The following THUMPD2 variants were observed in gnomAD, a reference collection of about 807,000 sequenced individuals.
THUMPD2 encodes U6 snRNA (guanine-N(2))-methyltransferase THUMPD2.
In THUMPD2, 56 loss-of-function variants were observed where a neutral mutation model predicts 49.4. The observed-to-expected ratio is 1.13, with a 90% CI of 0.91 to 1.41. THUMPD2 has a LOEUF of 1.41. Ranked by LOEUF, THUMPD2 falls within the 40% of genes most tolerant of loss-of-function variation. THUMPD2 has a pLI of 0.00. For missense variants in THUMPD2, 709 were observed against 594.5 expected (o/e 1.19, Z -2.00); for synonymous variants, 237 against 205.2 (o/e 1.15, Z -1.32).
At chr2:39,755,772 T>C in intron 7 of THUMPD2, 117 bp downstream of exon 7, 1 of 763,270 alleles carries the variant, frequency 1.3e-6, no homozygotes, top group Non-Finnish European at 2.1e-6. Flanking sequence ...AAATAATAAC[T>C]CATATAATTA....
chr2:39,750,347 C>G (rs1052413344), intron 8 of THUMPD2, among the ~76,000 whole-genome samples: 3 of 152,200 alleles, frequency 2.0e-5, no homozygotes, highest in Non-Finnish European at 4.4e-5. Context: ...CTCTAATGAT[C>G]AGTGATGTTG....
intron 8 of THUMPD2, among the ~76,000 whole-genome samples, chr2:39,745,907 A>G (rs1216912556): frequency 1.3e-5 from 2 of 152,240 alleles, no homozygotes; most frequent in East Asian, 1.9e-4. Context: ...GGTTGAGAGC[A>G]TAAGCTCTGG....
intron 1 of THUMPD2, among the ~76,000 whole-genome samples, chr2:39,777,166 G>T (rs1372275228): frequency 6.6e-6 from 1 of 152,202 alleles, no homozygotes; most frequent in Non-Finnish European, 1.5e-5. Context: ...CATGCTACCT[G>T]TGCTATCTTT....
At chr2:39,768,105 A>G (rs11124693) in intron 4 of THUMPD2, among the ~76,000 whole-genome samples, 59,988 of 152,080 alleles carry the variant, frequency 0.39, 13,247 homozygotes, top group Non-Finnish European at 0.51. Flanking sequence ...AATTTTTAAA[A>G]TCACAGATTG....
intron 6 of THUMPD2, among the ~76,000 whole-genome samples, chr2:39,758,621 C>T (rs1482247738): frequency 6.6e-6 from 1 of 152,172 alleles, no homozygotes; most frequent in Non-Finnish European, 1.5e-5. Context: ...GGTATCTCAG[C>T]AGGACTGACA....
chr2:39,764,019 G>T (rs1204356017), intron 5 of THUMPD2, among the ~76,000 whole-genome samples: 1 of 152,152 alleles, frequency 6.6e-6, no homozygotes, highest in East Asian at 1.9e-4. Context: ...CCTTTGCACA[G>T]AGATTCCTTG....
intron 5 of THUMPD2, among the ~76,000 whole-genome samples, chr2:39,762,626 G>C (rs1240187156): frequency 3.3e-5 from 5 of 151,676 alleles, no homozygotes; most frequent in East Asian, 1.9e-4. Flanking sequence ...CTGGCAGGTA[G>C]AAACACTATA....
chr2:39,760,159 A>G (rs1214444922), intron 6 of THUMPD2, among the ~76,000 whole-genome samples: 1 of 152,160 alleles, frequency 6.6e-6, no homozygotes, highest in Non-Finnish European at 1.5e-5. Flanking sequence ...TAGCTTCTCC[A>G]GTAGTTGGGG....
At chr2:39,765,668 G>A (rs1330611552) in intron 5 of THUMPD2, among the ~76,000 whole-genome samples, 1 of 151,422 alleles carries the variant, frequency 6.6e-6, no homozygotes, top group Non-Finnish European at 1.5e-5. Context: ...CACCCTTTCT[G>A]TCTTTAAAAT....
intron 1 of THUMPD2, among the ~76,000 whole-genome samples, chr2:39,774,402 T>C (rs1267658630): frequency 1.3e-5 from 2 of 152,248 alleles, no homozygotes; most frequent in African/African-American, 4.8e-5. Context: ...AAATATGCTA[T>C]AGGAACTCTT....
intron 1 of THUMPD2, 23 bp downstream of exon 1, chr2:39,779,091 G>C (rs1265532352): frequency 2.0e-6 from 3 of 1,496,708 alleles, no homozygotes; most frequent in Non-Finnish European, 2.7e-6. Flanking sequence ...CACCTCCCCA[G>C]GCGCGCAGCG....
intron 8 of THUMPD2, among the ~76,000 whole-genome samples, chr2:39,746,009 A>C (rs1163102768): frequency 6.6e-6 from 1 of 152,206 alleles, no homozygotes; most frequent in Non-Finnish European, 1.5e-5. Context: ...AAATGGAATA[A>C]GATTATGTAC....
chr2:39,757,015 T>C (rs189454859), intron 6 of THUMPD2, among the ~76,000 whole-genome samples: 8 of 150,390 alleles, frequency 5.3e-5, no homozygotes, highest in Admixed American at 2.7e-4. Flanking sequence ...AGGTCTAGGA[T>C]GTGACTACAG....
In THUMPD2 at chr2:39,736,618, T is replaced by G; in HGVS notation, c.*117A>C. 1 of 851,960 alleles carries G rather than the reference T, an allele frequency of 1.2e-6. No individual in the cohort carries two copies. The highest frequency in any genetic ancestry group is 1.8e-6 in the Non-Finnish European group (1 of 563,556). 52.8% of individuals were successfully genotyped at this position (851,960 alleles called of 1,614,324 possible). On this transcript the variant is annotated 3_prime_UTR_variant, in exon 10 of 10. Coordinates refer to ENST00000505747, the MANE Select transcript of THUMPD2 (RefSeq NM_025264.5). ...TACCCATCAGCCACACCTCCTGTCT[T>G]TGGGGGAATTTGGTTACTTGGAGCT... is the stretch of plus-strand genomic sequence containing the variant.
chr2:39,752,508 C>T (rs949733740), intron 8 of THUMPD2, among the ~76,000 whole-genome samples: 6 of 152,122 alleles, frequency 3.9e-5, no homozygotes, highest in South Asian at 4.1e-4. Flanking sequence ...AGAAAATAAA[C>T]GCTTTTATCT....
intron 1 of THUMPD2, among the ~76,000 whole-genome samples, chr2:39,777,714 C>G (rs1679304209): frequency 6.6e-6 from 1 of 152,158 alleles, no homozygotes; most frequent in South Asian, 2.1e-4. Context: ...CATACAAGAG[C>G]AGAATATGGA....
intron 9 of THUMPD2, among the ~76,000 whole-genome samples, chr2:39,744,038 G>T (rs924030170): frequency 7.6e-5 from 9 of 118,116 alleles, no homozygotes; most frequent in African/African-American, 3.2e-4. Context: ...CACAGAGAAG[G>T]CAGGTTTTTT....
chr2:39,779,184 A>G lies in THUMPD2; in HGVS notation c.56T>C (p.Phe19Ser). The G allele has an allele frequency of 6.6e-7, 1 of 1,519,192 alleles. No individual in the cohort carries two copies. The highest frequency in any genetic ancestry group is 8.8e-7 in the Non-Finnish European group (1 of 1,138,920). 94.1% of individuals were successfully genotyped at this position (1,519,192 alleles called of 1,614,324 possible). A position where few individuals can be genotyped will look rare whatever the true frequency, so the allele number is the denominator to read the frequency against. ...CTCCAGGCCGCGACCCGCAGTGCAGAAGAATCGGGCGCCAGCCTCAGGCCC... is the reference window on the plus strand; with the variant it reads ...CTCCAGGCCGCGACCCGCAGTGCAGGAGAATCGGGCGCCAGCCTCAGGCCC... ...GSGPEAGARF[F>S]CTAGRGLEPF... Residue 19 changes from phenylalanine (F) to serine (S), a missense_variant, in exon 1 of 10, where the codon TTC becomes TCC. By Grantham distance (155) the Phe-to-Ser change is radical. Transcript: ENST00000505747.
chr2:39,766,304 A>G, intron 4 of THUMPD2, 195 bp from the exon 5 acceptor site: 1 of 415,226 alleles, frequency 2.4e-6, no homozygotes, highest in Non-Finnish European at 4.3e-6. Context: ...TTTTAAGTAC[A>G]TTTCATAGAA....
Sources: gnomAD v4.1 joint callset for allele counts (sites outside exome capture counted in the v4.1 genomes callset) on GRCh38, gnomAD v4.1.1 for gene constraint, MANE v1.5 for transcripts, NCBI Gene and HGNC (gene_info 2026-07-23, HGNC 2026-07-21) for gene names.